The following PPP4R1 variants were observed in gnomAD, a reference collection of about 807,000 sequenced individuals.
The protein encoded by PPP4R1 is serine/threonine-protein phosphatase 4 regulatory subunit 1.
Under a neutral mutation model 111.2 loss-of-function variants are expected in PPP4R1, and 42 were observed. The observed-to-expected ratio is 0.38, with a 90% confidence interval of 0.29 to 0.49. PPP4R1 has a LOEUF of 0.49. PPP4R1 is among the 20% of genes least tolerant of loss of function. The pLI is 0.97. For synonymous variants in PPP4R1, 409 were observed against 405.5 expected, an observed-to-expected ratio of 1.01 and a Z score of -0.10; for missense variants, 1,012 against 1,161.6, an observed-to-expected ratio of 0.87 and a Z score of 1.87.
At position 9,563,499 on chromosome 18, in the gene PPP4R1, T is replaced by C. The variant is rs200562473; in HGVS notation, c.1625A>G (p.His542Arg). ...AALRASSLDA[H>R]EETISIEKRS... ...CTTTTCTATACTGATGGTCTCTTCA[T>C]GTGCATCCAGGCTGGAAGCACGTAG... The change falls in exon 12 of 20, where the codon CAT (histidine) becomes CGT (arginine). Residue 542 changes from histidine to arginine, a missense_variant. Physicochemically the swap from His to Arg is conservative, Grantham distance 29. Coordinates refer to ENST00000400556, the MANE Select transcript of PPP4R1 (RefSeq NM_001042388.3). 1,741 of 1,608,342 alleles carry C rather than the reference T, an allele frequency of 1.1e-3. 13 individuals carry two copies. The highest frequency in any genetic ancestry group is 6.7e-4 in the East Asian group (30 of 44,844).
At chr18:9,575,660 G>A (rs1568104267) in intron 10 of PPP4R1, among the ~76,000 whole-genome samples, 1 of 152,120 alleles carries the variant, frequency 6.6e-6, no homozygotes, top group Admixed American at 6.5e-5. Flanking sequence ...GCTACACACC[G>A]GTAGGCGGCA....
chr18:9,557,062 G>A (rs906745191), intron 15 of PPP4R1, 159 bp downstream of exon 15: 3 of 603,150 alleles, frequency 5.0e-6, no homozygotes, highest in Non-Finnish European at 8.3e-6. Flanking sequence ...GTATAATTAT[G>A]GGACCATTTC....
At chr18:9,596,960 A>G (rs1408664121) in intron 2 of PPP4R1, among the ~76,000 whole-genome samples, 1 of 152,190 alleles carries the variant, frequency 6.6e-6, no homozygotes, top group Non-Finnish European at 1.5e-5. Flanking sequence ...CACACCTTAA[A>G]TGGTAAATAA....
upstream of PPP4R1, among the ~76,000 whole-genome samples, chr18:9,615,770 C>G (rs2067681282): frequency 6.6e-6 from 1 of 152,160 alleles, no homozygotes; most frequent in Admixed American, 6.5e-5. Flanking sequence ...TTAGCTTGTT[C>G]CTTTCTACGT....
chr18:9,558,701 T>C (rs1352803591), intron 14 of PPP4R1, among the ~76,000 whole-genome samples: 8 of 151,528 alleles, frequency 5.3e-5, no homozygotes, highest in Admixed American at 2.0e-4. Flanking sequence ...ATCAGACTGT[T>C]TTTTTTTTTT....
intron 11 of PPP4R1, among the ~76,000 whole-genome samples, chr18:9,564,910 C>T (rs1345843718): frequency 6.6e-6 from 1 of 151,384 alleles, no homozygotes; most frequent in African/African-American, 2.4e-5. Context: ...AAGGCATGAT[C>T]ATAGCTCACT....
chr18:9,612,145 C>T (rs943629586), intron 2 of PPP4R1, among the ~76,000 whole-genome samples: 1 of 152,180 alleles, frequency 6.6e-6, no homozygotes, highest in East Asian at 1.9e-4. Context: ...TAACAGCAAA[C>T]ATAATCATAA....
intron 6 of PPP4R1, 109 bp from the exon 7 acceptor site, chr18:9,584,937 A>G: frequency 1.2e-6 from 1 of 848,230 alleles, no homozygotes; most frequent in Non-Finnish European, 1.8e-6. Context: ...ATGATATGGC[A>G]TCATTATACT....
rs1247860183 is a variant in PPP4R1 at position 9,583,103 on chromosome 18, A to C, written c.918+14T>G. 1.9e-6 allele frequency: 3 copies of C among 1,588,202 alleles called. No individual in the cohort carries two copies. Among genetic ancestry groups the C allele is most frequent in the Non-Finnish European group, 2.6e-6 (3 of 1,163,272 alleles). On this transcript the variant is annotated intron_variant, in intron 9 of 19. Transcript: ENST00000400556. ...AAATGTATTATTTTACAAAAGTGAT[A>C]ATCAAAACCCTACCCAACGTGAAGG... is the stretch of plus-strand genomic sequence containing the variant.
At chr18:9,574,817 G>A (rs769135566) in intron 10 of PPP4R1, among the ~76,000 whole-genome samples, 1 of 152,212 alleles carries the variant, frequency 6.6e-6, no homozygotes, top group Non-Finnish European at 1.5e-5. Flanking sequence ...TTTGTTAAAC[G>A]AGGGTATGGA....
intron 11 of PPP4R1, among the ~76,000 whole-genome samples, chr18:9,569,651 C>A (rs1374224274): frequency 4.6e-5 from 7 of 152,062 alleles, no homozygotes; most frequent in Non-Finnish European, 1.0e-4. Context: ...TCCTGAAAAT[C>A]AGATTAATTG....
chr18:9,553,567 T>G (rs531194575), intron 15 of PPP4R1, 145 bp from the exon 16 acceptor site: 62 of 606,970 alleles, frequency 1.0e-4, no homozygotes, highest in Non-Finnish European at 1.6e-4. Context: ...TTTTAAAATT[T>G]GGTATTAAGT....
intron 15 of PPP4R1, among the ~76,000 whole-genome samples, chr18:9,554,384 C>T (rs2066537662): frequency 6.6e-6 from 1 of 152,046 alleles, no homozygotes; most frequent in South Asian, 2.1e-4. Flanking sequence ...TCGCCTTGGC[C>T]TCCCAAAGTG....
intron 9 of PPP4R1, among the ~76,000 whole-genome samples, chr18:9,580,429 A>C (rs1002219259): frequency 6.6e-6 from 1 of 151,010 alleles, no homozygotes. Flanking sequence ...GGCTCACTGC[A>C]AGCTCCGCCT....
At chr18:9,578,297 G>A (rs1209541380) in intron 9 of PPP4R1, among the ~76,000 whole-genome samples, 1 of 152,172 alleles carries the variant, frequency 6.6e-6, no homozygotes, top group Non-Finnish European at 1.5e-5. Context: ...AAACAGTGGT[G>A]CTACCATGGC....
Position 9,614,290 on chromosome 18 carries a change from G to GAA in PPP4R1, c.8-22_8-21dup. 1 of 1,273,318 alleles carries GAA rather than the reference G, an allele frequency of 7.9e-7. No individual in the cohort carries two copies. Among genetic ancestry groups the GAA allele is most frequent in the Non-Finnish European group, 1.0e-6 (1 of 997,302 alleles). The allele number at this position is 1,273,318 out of a possible 1,614,324, so 78.9% of individuals were successfully genotyped here. ...AGAGGTCTGCGCCGAGGGGAGAGAA[G>GAA]AAAGGCCCGGTCAGCGCCCCGGGGC... is the stretch of plus-strand genomic sequence containing the variant. On this transcript the variant is annotated intron_variant, in intron 1 of 19. Transcript: ENST00000400556. This position sits in a 1 kb window ranked among gnomAD's most constrained non-coding sequence, Gnocchi z 4.1.
At chr18:9,570,840 C>T (rs924824071) in intron 10 of PPP4R1, among the ~76,000 whole-genome samples, 157 bp from the exon 11 acceptor site, 1 of 152,146 alleles carries the variant, frequency 6.6e-6, no homozygotes, top group Non-Finnish European at 1.5e-5. Flanking sequence ...ATTTATAATG[C>T]TTCTTTCTCC....
chr18:9,590,363 G>A (rs192492214), intron 4 of PPP4R1, among the ~76,000 whole-genome samples: 1 of 152,118 alleles, frequency 6.6e-6, no homozygotes, highest in East Asian at 1.9e-4. Context: ...GAACAAAATA[G>A]AGTGTTTCTG....
intron 2 of PPP4R1, among the ~76,000 whole-genome samples, chr18:9,609,770 C>T (rs901509878): frequency 7.2e-5 from 11 of 152,128 alleles, no homozygotes; most frequent in African/African-American, 2.4e-4. Flanking sequence ...ACTTTAAGAA[C>T]GAGTTCAAAG....
Sources: allele counts gnomAD v4.1 joint callset (sites outside exome capture counted in the v4.1 genomes callset), GRCh38; gene constraint gnomAD v4.1.1; non-coding constraint Gnocchi (gnomAD v3.1); transcripts MANE v1.5; gene names NCBI Gene and HGNC (gene_info 2026-07-23, HGNC 2026-07-21).